HCRTR2: variants seen among roughly 807,000 people sequenced by gnomAD.
The protein encoded by HCRTR2 is hypocretin receptor 2, also known as orexin receptor type 2.
In HCRTR2, 22 loss-of-function variants were observed where a neutral mutation model predicts 49.0. The ratio of observed to expected loss-of-function variants is 0.45; its 90% CI spans 0.32 to 0.64. The LOEUF (loss-of-function observed/expected upper bound fraction) is 0.64. HCRTR2 is among the 30% of genes least tolerant of loss of function. HCRTR2 has a pLI of 0.04. For missense variants in HCRTR2, 491 were observed against 559.4 expected (o/e 0.88, Z 1.23); for synonymous variants, 236 against 205.3 (o/e 1.15, Z -1.28).
chr6:55,112,530 C>T lies in HCRTR2; in HGVS notation c.-378+5985C>T, dbSNP rs374645946. ...AAGCTGAGTCAAATTCAGAATTCAACCCCTTTTACAATAGCTGCAAAAAAA... is the reference window on the plus strand; with the variant it reads ...AAGCTGAGTCAAATTCAGAATTCAATCCCTTTTACAATAGCTGCAAAAAAA... On this transcript the variant is annotated intron_variant, in intron 1 of 7. Transcript: ENST00000615358. 5.4e-5 allele frequency among the ~76,000 whole-genome samples: 8 copies of T among 148,554 alleles called. No individual in the cohort carries two copies. The East Asian group carries it at 7.8e-4, about 14-fold the overall frequency.
At chr6:55,204,774 TTCCCC>T (rs140803996) in intron 1 of HCRTR2, among the ~76,000 whole-genome samples, 2,126 of 152,124 alleles carry the variant, frequency 0.014, 26 homozygotes, top group Non-Finnish European at 0.025. Flanking sequence ...CTCCCCTGCC[TTCCCC>T]TCCCCTCCCC....
intron 1 of HCRTR2, among the ~76,000 whole-genome samples, chr6:55,122,963 G>A (rs1360466859): frequency 3.4e-5 from 4 of 118,182 alleles, no homozygotes; most frequent in Non-Finnish European, 5.0e-5. Context: ...ACTGGGGCCT[G>A]TTGTGGGGTG....
intron 1 of HCRTR2, 104 bp downstream of exon 1, chr6:55,174,914 A>G: frequency 1.2e-6 from 1 of 835,110 alleles, no homozygotes; most frequent in Non-Finnish European, 2.1e-6. Context: ...AAGCAAACAA[A>G]GAGGTCGCTG....
chr6:55,275,756 A>G (rs1407749977), intron 4 of HCRTR2, among the ~76,000 whole-genome samples: 1 of 151,960 alleles, frequency 6.6e-6, no homozygotes, highest in Non-Finnish European at 1.5e-5. Flanking sequence ...GATTACAGGC[A>G]TGTGCCACCA....
At chr6:55,176,914 C>T (rs150358757) in intron 1 of HCRTR2, among the ~76,000 whole-genome samples, 75 of 152,290 alleles carry the variant, frequency 4.9e-4, no homozygotes, top group Admixed American at 1.1e-3. Flanking sequence ...TTATGAATAG[C>T]TATCAATAGT....
intron 1 of HCRTR2, among the ~76,000 whole-genome samples, chr6:55,155,562 T>C (rs1764719332): frequency 1.3e-5 from 2 of 152,162 alleles, no homozygotes; most frequent in South Asian, 4.1e-4. Flanking sequence ...GTATTAAATG[T>C]TTTATATGAA....
At chr6:55,254,664 A>G (rs1766615343) in intron 2 of HCRTR2, among the ~76,000 whole-genome samples, 2 of 152,122 alleles carry the variant, frequency 1.3e-5, no homozygotes, top group South Asian at 2.1e-4. Flanking sequence ...TAAAAATGTT[A>G]ATTAAATATA....
chr6:55,272,809 G>A (rs983643607), intron 4 of HCRTR2, among the ~76,000 whole-genome samples: 4 of 145,916 alleles, frequency 2.7e-5, no homozygotes, highest in Non-Finnish European at 4.5e-5. Flanking sequence ...CCTATTCCAT[G>A]AAACCATATA....
At chr6:55,164,918 A>G (rs1764855412) in intron 1 of HCRTR2, among the ~76,000 whole-genome samples, 1 of 152,200 alleles carries the variant, frequency 6.6e-6, no homozygotes, top group Admixed American at 6.5e-5. Context: ...AAAATTCAAG[A>G]TGACATGGCA....
chr6:55,197,151 AT>A (rs935285142), intron 1 of HCRTR2, among the ~76,000 whole-genome samples: 3 of 152,108 alleles, frequency 2.0e-5, no homozygotes. Context: ...TTAACTAACA[AT>A]TTTATCTCTA....
At chr6:55,259,638 G>T (rs867226234) in intron 3 of HCRTR2, among the ~76,000 whole-genome samples, 60 of 149,006 alleles carry the variant, frequency 4.0e-4, no homozygotes, top group Middle Eastern at 7.5e-3. Flanking sequence ...ATCCACATTT[G>T]TTCCTTATTA....
At chr6:55,172,471 C>A (rs1764964778), upstream of HCRTR2, among the ~76,000 whole-genome samples, 1 of 151,844 alleles carries the variant, frequency 6.6e-6, no homozygotes, top group Non-Finnish European at 1.5e-5. Context: ...GAAAAATAAC[C>A]CTCAGGAAAT....
intron 1 of HCRTR2, among the ~76,000 whole-genome samples, chr6:55,194,962 A>G (rs1765384287): frequency 6.6e-6 from 1 of 152,164 alleles, no homozygotes; most frequent in African/African-American, 2.4e-5. Flanking sequence ...ACATGGAGTG[A>G]CTCATATAAA....
At chr6:55,147,097 T>C (rs1297862465) in intron 1 of HCRTR2, among the ~76,000 whole-genome samples, 2 of 152,176 alleles carry the variant, frequency 1.3e-5, no homozygotes, top group African/African-American at 4.8e-5. Context: ...AACTATTACA[T>C]ACTTATTTTC....
intron 1 of HCRTR2, among the ~76,000 whole-genome samples, chr6:55,227,343 G>T (rs145128186): frequency 5.6e-4 from 85 of 152,194 alleles, no homozygotes; most frequent in African/African-American, 2.0e-3. Flanking sequence ...AAGTAGGTTG[G>T]CTGAGTTCAC....
chr6:55,223,411 G>A (rs1420210583), intron 1 of HCRTR2, among the ~76,000 whole-genome samples: 1 of 152,058 alleles, frequency 6.6e-6, no homozygotes, highest in East Asian at 1.9e-4. Flanking sequence ...TAAAAATACA[G>A]CATCGCTTTT....
intron 3 of HCRTR2, among the ~76,000 whole-genome samples, chr6:55,256,376 G>A (rs1184015272): frequency 6.6e-6 from 1 of 151,926 alleles, no homozygotes; most frequent in Non-Finnish European, 1.5e-5. Context: ...TGTAATCTTT[G>A]AATTTCTGTT....
chr6:55,272,847 C>CT (rs993989385), intron 4 of HCRTR2, among the ~76,000 whole-genome samples: 11,347 of 111,100 alleles, frequency 0.1, 833 homozygotes, highest in African/African-American at 0.23. Flanking sequence ...GAGGGAAAAC[C>CT]TTTTTTTTTT....
chr6:55,234,122 T>C (rs1215802786), intron 1 of HCRTR2, among the ~76,000 whole-genome samples: 1 of 152,196 alleles, frequency 6.6e-6, no homozygotes, highest in Non-Finnish European at 1.5e-5. Context: ...CAAAATGATA[T>C]AAGGTGACAA....
Sources: allele counts gnomAD v4.1 joint callset (sites outside exome capture counted in the v4.1 genomes callset), GRCh38; gene constraint gnomAD v4.1.1; transcripts MANE v1.5; gene names NCBI Gene and HGNC (gene_info 2026-07-23, HGNC 2026-07-21).